ACCSL: variants seen among roughly 807,000 people sequenced by gnomAD.
ACCSL encodes the protein 1-aminocyclopropane-1-carboxylate synthase homolog (inactive) like, also known as probable inactive 1-aminocyclopropane-1-carboxylate synthase-like protein 2.
A neutral mutation model predicts 61.7 loss-of-function variants in ACCSL; 55 were observed. The ratio of observed to expected loss-of-function variants is 0.89; its 90% CI spans 0.72 to 1.12. ACCSL has a LOEUF of 1.12. Ranked by LOEUF, ACCSL falls within the 50% of genes most tolerant of loss-of-function variation. The pLI is 0.00. For missense variants in ACCSL, 632 were observed against 698.0 expected, an observed-to-expected ratio of 0.91 and a Z score of 1.07; for synonymous variants, 258 against 264.3, an observed-to-expected ratio of 0.98 and a Z score of 0.23.
chr11:44,040,249 G>T, the ACCSL span, among the ~76,000 whole-genome samples: 1 of 152,192 alleles, frequency 6.6e-6, no homozygotes, highest in African/African-American at 2.4e-5. Context: ...TCAGTAGTTT[G>T]TAAGTATTAG....
At chr11:43,936,783 TG>T in the ACCSL span, among the ~76,000 whole-genome samples, 15 of 135,214 alleles carry the variant, frequency 1.1e-4, no homozygotes, top group Non-Finnish European at 1.4e-4. Context: ...AGGGACATCC[TG>T]AGGTGGGGGA....
the ACCSL span, among the ~76,000 whole-genome samples, chr11:44,023,029 T>TTTC: frequency 1.4e-5 from 2 of 146,360 alleles, no homozygotes; most frequent in Admixed American, 7.1e-5. Flanking sequence ...AGATTTTCTA[T>TTTC]TTCTTCTTCT....
chr11:44,005,414 AGGGGTTCCACTATG>A, the ACCSL span, among the ~76,000 whole-genome samples: 2 of 151,990 alleles, frequency 1.3e-5, no homozygotes, highest in Non-Finnish European at 2.9e-5. Flanking sequence ...CTGAGGACAA[AGGGGTTCCACTATG>A]GGGAGGGGAG....
chr11:43,925,266 TTG>T, the ACCSL span: 1 of 419,160 alleles, frequency 2.4e-6, no homozygotes, highest in East Asian at 7.2e-5. Context: ...AGGGGACTAC[TTG>T]AGAGTAGTCC....
chr11:44,050,777 G>A (rs1407236105), intron 3 of ACCSL, among the ~76,000 whole-genome samples, 155 bp downstream of exon 3: 1 of 151,900 alleles, frequency 6.6e-6, no homozygotes, highest in Non-Finnish European at 1.5e-5. Context: ...TCATCAGGAG[G>A]CAGCCTGGTA....
intron 9 of ACCSL, 46 bp downstream of exon 9, chr11:44,055,337 T>G: frequency 5.9e-6 from 9 of 1,521,494 alleles, no homozygotes; most frequent in Non-Finnish European, 8.2e-6. Flanking sequence ...CACAAGGTTC[T>G]TGTTTTGCAG....
At chr11:43,954,956 T>C in the ACCSL span, among the ~76,000 whole-genome samples, 2 of 152,264 alleles carry the variant, frequency 1.3e-5, no homozygotes, top group African/African-American at 4.8e-5. Context: ...CATTCACCTG[T>C]GCAAGCTTCC....
the ACCSL span, among the ~76,000 whole-genome samples, chr11:44,024,282 T>G: frequency 7.2e-5 from 11 of 152,156 alleles, no homozygotes; most frequent in Non-Finnish European, 1.5e-4. Context: ...TTTCCAGGCC[T>G]TTGGACTCAA....
intron 3 of ACCSL, among the ~76,000 whole-genome samples, chr11:44,050,845 T>C (rs554482954): frequency 6.7e-6 from 1 of 149,816 alleles, no homozygotes; most frequent in East Asian, 1.9e-4. Flanking sequence ...GAGTTCTTTT[T>C]TTTTTTTTTT....
chr11:43,967,177 T>TTA, the ACCSL span, among the ~76,000 whole-genome samples: 17 of 125,598 alleles, frequency 1.4e-4, no homozygotes, highest in Non-Finnish European at 2.8e-4. Flanking sequence ...CTTTTTTTTT[T>TTA]TTTTTTTTTT....
At chr11:43,988,177 G>T in the ACCSL span, among the ~76,000 whole-genome samples, 96 of 152,200 alleles carry the variant, frequency 6.3e-4, no homozygotes, top group Non-Finnish European at 6.5e-4. Flanking sequence ...TTCATACTAG[G>T]GTGTGAACAA....
the ACCSL span, among the ~76,000 whole-genome samples, chr11:43,979,675 C>T: frequency 0.15 from 22,424 of 151,610 alleles, 1,671 homozygotes; most frequent in South Asian, 0.17. Flanking sequence ...GATATTTGTT[C>T]GTCTCTACTA....
chr11:43,937,156 G>A, the ACCSL span, among the ~76,000 whole-genome samples: 1 of 152,174 alleles, frequency 6.6e-6, no homozygotes, highest in Non-Finnish European at 1.5e-5. Flanking sequence ...AGGAGCCGTG[G>A]AAGCAGGGCA....
the ACCSL span, among the ~76,000 whole-genome samples, chr11:44,032,999 T>C: frequency 1.3e-5 from 2 of 152,310 alleles, no homozygotes; most frequent in East Asian, 3.9e-4. Flanking sequence ...CCAAAATGTT[T>C]CTTGTATCAG....
the ACCSL span, among the ~76,000 whole-genome samples, chr11:43,928,603 G>A: frequency 6.6e-6 from 1 of 152,168 alleles, no homozygotes; most frequent in Non-Finnish European, 1.5e-5. Context: ...GGGGAGCGGA[G>A]GAGGTGGGCC....
At chr11:44,040,458 T>C in the ACCSL span, among the ~76,000 whole-genome samples, 3 of 152,196 alleles carry the variant, frequency 2.0e-5, no homozygotes, top group Non-Finnish European at 4.4e-5. Flanking sequence ...AAGCCCACTT[T>C]AGGTAATAGG....
At chr11:43,958,075 T>C in the ACCSL span, among the ~76,000 whole-genome samples, 1 of 152,214 alleles carries the variant, frequency 6.6e-6, no homozygotes, top group Non-Finnish European at 1.5e-5. Flanking sequence ...GTGTATAGTT[T>C]ATATAATAGC....
chr11:43,953,926 C>A, the ACCSL span, among the ~76,000 whole-genome samples: 1 of 152,184 alleles, frequency 6.6e-6, no homozygotes, highest in Non-Finnish European at 1.5e-5. Context: ...GCCCCAAATT[C>A]TTTCTTGTGA....
intron 13 of ACCSL, 45 bp downstream of exon 13, chr11:44,058,744 T>C (rs2134778739): frequency 6.4e-7 from 1 of 1,572,412 alleles, no homozygotes; most frequent in East Asian, 2.3e-5. Flanking sequence ...GCCCCATCAA[T>C]TTAATATGTC....
Sources: allele counts gnomAD v4.1 joint callset (sites outside exome capture counted in the v4.1 genomes callset), GRCh38; gene constraint gnomAD v4.1.1; transcripts MANE v1.5; gene names NCBI Gene and HGNC (gene_info 2026-07-23, HGNC 2026-07-21).